Variants in TMEM51 observed in about 807,000 individuals in gnomAD.
TMEM51 encodes chromosome 1 open reading frame 72.
A neutral mutation model predicts 13.6 loss-of-function variants in TMEM51; 8 were observed. The observed-to-expected ratio is 0.59, with a 90% CI of 0.35 to 1.07. The LOEUF (loss-of-function observed/expected upper bound fraction) is 1.07, where lower values mean the gene tolerates loss of function less well. Among genes scored for constraint, TMEM51 ranks in the 50% least tolerant of loss-of-function variants. TMEM51 has a pLI of 0.02. For missense variants in TMEM51, 279 were observed against 330.7 expected, an observed-to-expected ratio of 0.84 and a Z score of 1.21; for synonymous variants, 147 against 144.4, an observed-to-expected ratio of 1.02 and a Z score of -0.13.
At chr1:15,218,790 C>T (rs925435413) in intron 3 of TMEM51, among the ~76,000 whole-genome samples, 13 of 152,154 alleles carry the variant, frequency 8.5e-5, no homozygotes, top group African/African-American at 2.2e-4. Flanking sequence ...TCCATGGTAA[C>T]GACCCAGAAG....
intron 1 of TMEM51, among the ~76,000 whole-genome samples, chr1:15,185,114 G>A (rs6679635): frequency 0.54 from 81,056 of 151,166 alleles, 22,199 homozygotes; most frequent in East Asian, 0.66. Flanking sequence ...TGTTCTGTGC[G>A]TATACGCAGA....
At chr1:15,174,915 C>G (rs1643407280) in intron 1 of TMEM51, among the ~76,000 whole-genome samples, 1 of 152,096 alleles carries the variant, frequency 6.6e-6, no homozygotes, top group African/African-American at 2.4e-5. Context: ...AATTACCTAC[C>G]CAAAGCCCTA....
At chr1:15,196,617 GCACTGGCATTA>G (rs1644055605) in intron 1 of TMEM51, among the ~76,000 whole-genome samples, 1 of 152,164 alleles carries the variant, frequency 6.6e-6, no homozygotes, top group African/African-American at 2.4e-5. Context: ...GCCTCGCAAA[GCACTGGCATTA>G]CAGGCATGAA....
intron 1 of TMEM51, among the ~76,000 whole-genome samples, chr1:15,172,493 GGAGAGA>G (rs775992199): frequency 4.6e-5 from 7 of 151,060 alleles, no homozygotes; most frequent in African/African-American, 1.5e-4. Context: ...AAGAGAAGAA[GGAGAGA>G]GAGAGAGACA....
At chr1:15,160,463 A>G (rs1412501160) in intron 1 of TMEM51, among the ~76,000 whole-genome samples, 217 of 151,098 alleles carry the variant, frequency 1.4e-3, no homozygotes, top group African/African-American at 4.8e-3. Flanking sequence ...TAATAGAGAT[A>G]GGGTTTCACC....
chr1:15,176,472 A>C (rs1237121727), intron 1 of TMEM51, among the ~76,000 whole-genome samples: 1 of 152,208 alleles, frequency 6.6e-6, no homozygotes, highest in Admixed American at 6.5e-5. Flanking sequence ...TTCTGGAAGA[A>C]AGGGGAATAG....
At chr1:15,174,781 C>T (rs1643402924) in intron 1 of TMEM51, among the ~76,000 whole-genome samples, 1 of 152,142 alleles carries the variant, frequency 6.6e-6, no homozygotes, top group Non-Finnish European at 1.5e-5. Context: ...TTGCAGATGG[C>T]CGCCTACTCA....
chr1:15,197,819 T>A (rs115103600), intron 1 of TMEM51, among the ~76,000 whole-genome samples: 5 of 152,200 alleles, frequency 3.3e-5, no homozygotes, highest in African/African-American at 9.6e-5. Context: ...TCGCTGTGTC[T>A]GTCACCAGGG....
At chr1:15,198,478 G>A (rs1425187250) in intron 1 of TMEM51, among the ~76,000 whole-genome samples, 10 of 151,994 alleles carry the variant, frequency 6.6e-5, no homozygotes, top group African/African-American at 1.7e-4. Flanking sequence ...GTGCAGTAGC[G>A]TGATCTCAGC....
chr1:15,159,885 G>C (rs1162910101), intron 1 of TMEM51, among the ~76,000 whole-genome samples: 1 of 152,092 alleles, frequency 6.6e-6, no homozygotes, highest in Admixed American at 6.5e-5. Flanking sequence ...AGCTTCCCAG[G>C]CCCATCCCCT....
At chr1:15,184,888 T>G (rs1643724759) in intron 1 of TMEM51, among the ~76,000 whole-genome samples, 1 of 151,894 alleles carries the variant, frequency 6.6e-6, no homozygotes, top group Non-Finnish European at 1.5e-5. Context: ...TATTGGTATC[T>G]AGTAGGTAGA....
At chr1:15,153,678 G>T (rs1381544595), upstream of TMEM51, 1 of 152,006 alleles carries the variant, frequency 6.6e-6, no homozygotes, top group African/African-American at 2.4e-5. Flanking sequence ...TCTCCGGGCT[G>T]GAGGCCGCTC....
At chr1:15,168,842 T>G (rs755291152) in intron 1 of TMEM51, 1 of 1,236,718 alleles carries the variant, frequency 8.1e-7, no homozygotes, top group Non-Finnish European at 1.0e-6. Flanking sequence ...CGGCTCATGA[T>G]AAAAGTTACA....
chr1:15,210,250 T>C (rs535666121), intron 1 of TMEM51, among the ~76,000 whole-genome samples: 140 of 152,328 alleles, frequency 9.2e-4, no homozygotes, highest in African/African-American at 3.2e-3. Context: ...CTAAGATGGA[T>C]AATACCATGA....
At chr1:15,165,049 C>T (rs1394300932) in intron 1 of TMEM51, among the ~76,000 whole-genome samples, 1 of 152,154 alleles carries the variant, frequency 6.6e-6, no homozygotes, top group Non-Finnish European at 1.5e-5. Flanking sequence ...GATCCGCCCA[C>T]CTCGACCTCC....
intron 3 of TMEM51, among the ~76,000 whole-genome samples, chr1:15,218,021 A>C (rs1221498483): frequency 6.6e-6 from 1 of 152,200 alleles, no homozygotes; most frequent in Non-Finnish European, 1.5e-5. Flanking sequence ...TTCCTAAAGG[A>C]GGGTGGGAGG....
intron 1 of TMEM51, among the ~76,000 whole-genome samples, chr1:15,172,488 A>AAGAAGGAGAGAGAGAGAGACAGAGAC (rs1643317828): frequency 1.3e-5 from 2 of 151,640 alleles, no homozygotes. Flanking sequence ...AAAGAAAGAG[A>AAGAAGGAGAGAGAGAGAGACAGAGAC]AGAAGGAGAG....
intron 1 of TMEM51, among the ~76,000 whole-genome samples, chr1:15,205,249 C>T (rs1043475621): frequency 6.6e-6 from 1 of 152,298 alleles, no homozygotes. Context: ...CCAACACTTA[C>T]GTGGATTAGC....
At chr1:15,158,092 C>T (rs1642647572) in intron 1 of TMEM51, among the ~76,000 whole-genome samples, 1 of 152,142 alleles carries the variant, frequency 6.6e-6, no homozygotes, top group Non-Finnish European at 1.5e-5. Flanking sequence ...TATGCCCAGC[C>T]CGTATCCTGG....
Sources: gnomAD v4.1 joint callset for allele counts (sites outside exome capture counted in the v4.1 genomes callset) on GRCh38, gnomAD v4.1.1 for gene constraint, MANE v1.5 for transcripts, NCBI Gene and HGNC (gene_info 2026-07-23, HGNC 2026-07-21) for gene names.